The following AGK variants were observed in gnomAD, a reference collection of about 807,000 sequenced individuals.
The protein encoded by AGK is acylglycerol kinase.
A neutral mutation model predicts 66.4 loss-of-function variants in AGK; 52 were observed. The observed-to-expected ratio is 0.78, with a 90% CI of 0.63 to 0.99. The LOEUF is 0.99. AGK is among the 50% of genes least tolerant of loss of function. The probability of loss-of-function intolerance (pLI) is 0.00; values close to 1 mark genes in which losing one functional copy is unlikely to be tolerated. For synonymous variants in AGK, 182 were observed against 181.1 expected (o/e 1.00, Z -0.04); for missense variants, 451 against 506.6 (o/e 0.89, Z 1.05).
chr7:141,649,216 T>A (rs73171604), intron 13 of AGK, 47 bp from the exon 14 acceptor site: 1 of 1,371,200 alleles, frequency 7.3e-7, no homozygotes, highest in South Asian at 1.2e-5. Flanking sequence ...CAGGCTGCAT[T>A]AGCCAAATTT....
intron 8 of AGK, among the ~76,000 whole-genome samples, chr7:141,616,947 T>C (rs1296050602): frequency 6.6e-6 from 1 of 151,836 alleles, no homozygotes; most frequent in Non-Finnish European, 1.5e-5. Context: ...TTAGTACAGA[T>C]GGGGTTTCAC....
intron 9 of AGK, among the ~76,000 whole-genome samples, chr7:141,627,800 CTGAT>C (rs1416237537): frequency 6.6e-6 from 1 of 152,214 alleles, no homozygotes; most frequent in Non-Finnish European, 1.5e-5. Context: ...ATCTCAATAA[CTGAT>C]TTATTCTTTC....
intron 9 of AGK, among the ~76,000 whole-genome samples, chr7:141,628,389 A>G (rs1261277412): frequency 6.6e-6 from 1 of 152,174 alleles, no homozygotes; most frequent in Non-Finnish European, 1.5e-5. Flanking sequence ...AGTTGGATAC[A>G]TTTTCTCTTT....
At chr7:141,641,941 G>T (rs1211762319) in intron 13 of AGK, 33 bp downstream of exon 13, 1 of 1,527,702 alleles carries the variant, frequency 6.5e-7, no homozygotes. Flanking sequence ...AAAGCATTTG[G>T]TACCTAAGAA....
chr7:141,583,691 AG>A (rs1309321461), intron 2 of AGK, among the ~76,000 whole-genome samples: 1 of 152,014 alleles, frequency 6.6e-6, no homozygotes, highest in East Asian at 1.9e-4. Flanking sequence ...TTAAACACCA[AG>A]GGAAGATTGT....
intron 5 of AGK, among the ~76,000 whole-genome samples, chr7:141,601,987 T>G (rs962333070): frequency 3.3e-5 from 5 of 152,148 alleles, no homozygotes; most frequent in Non-Finnish European, 5.9e-5. Flanking sequence ...GTCATGATTT[T>G]CCAGTTGTTT....
intron 11 of AGK, 52 bp downstream of exon 11, chr7:141,637,069 T>C (rs1797191120): frequency 6.9e-7 from 1 of 1,456,724 alleles, no homozygotes; most frequent in Admixed American, 1.8e-5. Context: ...GTTGTTTCTC[T>C]GTAATGCATA....
In AGK at chr7:141,636,991, G is replaced by A; in HGVS notation, c.700G>A (p.Ala234Thr). ...GTATCTTGGGCCTCTAAAAATCAAA[G>A]CAGCCCACTTTTTCAGCACTCTTAA... ...YWYLGPLKIK[A>T]AHFFSTLKEW... Residue 234 changes from alanine to threonine, a missense_variant, in exon 11 of 16, where the codon GCA (alanine) becomes ACA (threonine). Physicochemically the swap from Ala to Thr is moderately conservative, Grantham distance 58. Coordinates refer to ENST00000649286, the MANE Select transcript of AGK (RefSeq NM_018238.4). 6.2e-7 allele frequency: 1 copy of A among 1,612,664 alleles called. No homozygotes were observed. Among genetic ancestry groups the A allele is most frequent in the Non-Finnish European group, 8.5e-7 (1 of 1,179,234 alleles).
At chr7:141,585,645 C>T (rs1337966670) in intron 2 of AGK, among the ~76,000 whole-genome samples, 1 of 152,114 alleles carries the variant, frequency 6.6e-6, no homozygotes, top group Non-Finnish European at 1.5e-5. Flanking sequence ...GTTTTTCTCT[C>T]CATGTAAAGT....
At chr7:141,562,266 C>T (rs967023603) in intron 2 of AGK, among the ~76,000 whole-genome samples, 8 of 152,086 alleles carry the variant, frequency 5.3e-5, no homozygotes, top group African/African-American at 1.9e-4. Flanking sequence ...TCATGAGTTG[C>T]GGTAATGTCC....
chr7:141,637,056 TTTG>T, intron 11 of AGK, 39 bp downstream of exon 11: 1 of 1,570,518 alleles, frequency 6.4e-7, no homozygotes, highest in South Asian at 1.1e-5. Context: ...GCTGTGTTAT[TTTG>T]TTGTTTCTCT....
rs186550025 is a variant in AGK, at chr7:141,582,973, G to A, written c.102-10173G>A. Reference sequence around the variant, plus strand: ...GGGGTTGGGACTGAGGGGACAGGCAGGAGGGAAAGAAGGAAGATTTGGGAC... The same window carrying A: ...GGGGTTGGGACTGAGGGGACAGGCAAGAGGGAAAGAAGGAAGATTTGGGAC... On this transcript the variant is annotated intron_variant, in intron 2 of 15. Coordinates refer to ENST00000649286, the MANE Select transcript of AGK (RefSeq NM_018238.4). 6.1e-4 allele frequency among the ~76,000 whole-genome samples: 92 copies of A among 151,864 alleles called. 1 individual carries two copies. The highest frequency in any genetic ancestry group is 2.0e-3 in the Admixed American group (30 of 15,274).
At chr7:141,604,403 T>TATATATATACAC (rs1301537652) in intron 5 of AGK, among the ~76,000 whole-genome samples, 10 of 141,500 alleles carry the variant, frequency 7.1e-5, no homozygotes, top group African/African-American at 2.6e-4. Context: ...TATATATATA[T>TATATATATACAC]ACACATACAT....
At chr7:141,629,314 G>C (rs1001423161) in intron 9 of AGK, among the ~76,000 whole-genome samples, 5 of 152,092 alleles carry the variant, frequency 3.3e-5, no homozygotes, top group Non-Finnish European at 7.4e-5. Flanking sequence ...GGGATTTACT[G>C]TTTCTAGGGG....
chr7:141,615,586 A>G, intron 8 of AGK, 21 bp downstream of exon 8: 1 of 1,591,046 alleles, frequency 6.3e-7, no homozygotes, highest in Non-Finnish European at 8.6e-7. Context: ...AATGTGGGGA[A>G]TTAGCATTTG....
At chr7:141,630,094 C>CT (rs1000516354) in intron 9 of AGK, among the ~76,000 whole-genome samples, 3 of 151,030 alleles carry the variant, frequency 2.0e-5, no homozygotes, top group African/African-American at 7.2e-5. Context: ...ATGGAATCTT[C>CT]TATCATCATC....
intron 2 of AGK, among the ~76,000 whole-genome samples, chr7:141,564,782 T>G (rs1795433297): frequency 6.6e-6 from 1 of 151,968 alleles, no homozygotes; most frequent in Non-Finnish European, 1.5e-5. Flanking sequence ...CAGGCTGGAG[T>G]GCAACGGCAT....
At chr7:141,647,405 C>T (rs1488903325) in intron 13 of AGK, among the ~76,000 whole-genome samples, 1 of 152,176 alleles carries the variant, frequency 6.6e-6, no homozygotes. Context: ...CCCTGTCATT[C>T]GCTCTGCTCC....
Position 141,650,841 on chromosome 7 carries a change from G to T in AGK, c.1047-684G>T, listed in dbSNP as rs535071914. 3.8e-4 allele frequency: 73 copies of T among 189,812 alleles called. 1 individual carries two copies. Among genetic ancestry groups the T allele is most frequent in the African/African-American group, 1.7e-3 (70 of 42,190 alleles). 11.8% of individuals were successfully genotyped at this position (189,812 alleles called of 1,614,324 possible). A position where few individuals can be genotyped will look rare whatever the true frequency, so the allele number is the denominator to read the frequency against. On this transcript the variant is annotated intron_variant, in intron 14 of 15. Coordinates refer to ENST00000649286, the MANE Select transcript of AGK (RefSeq NM_018238.4). ...TCAAGCCCCTTCTATATAGTGGCAC[G>T]GTATTTGCATAGACTTAGGCACGTC...
Sources: allele counts gnomAD v4.1 joint callset (sites outside exome capture counted in the v4.1 genomes callset), GRCh38; gene constraint gnomAD v4.1.1; transcripts MANE v1.5; gene names NCBI Gene and HGNC (gene_info 2026-07-23, HGNC 2026-07-21).